The following GPHN variants were observed in gnomAD, a reference collection of about 807,000 sequenced individuals.
The protein encoded by GPHN is gephyrin.
Under a neutral mutation model 95.5 loss-of-function variants are expected in GPHN, and 17 were observed. The ratio of observed to expected loss-of-function variants is 0.18; its 90% CI spans 0.12 to 0.27. The LOEUF is 0.27. GPHN is among the 10% of genes least tolerant of loss of function. The pLI is 1.00. For synonymous variants in GPHN, 320 were observed against 322.5 expected (o/e 0.99, Z 0.08); for missense variants, 660 against 978.1 (o/e 0.67, Z 4.34).
chr14:66,726,417 G>A (rs2071242543), intron 2 of GPHN, among the ~76,000 whole-genome samples: 1 of 152,098 alleles, frequency 6.6e-6, no homozygotes, highest in Non-Finnish European at 1.5e-5. Flanking sequence ...TAAAAGTCTA[G>A]TATATTTTAC....
intron 9 of GPHN, among the ~76,000 whole-genome samples, chr14:66,983,405 T>G (rs1443602534): frequency 6.6e-6 from 1 of 152,262 alleles, no homozygotes; most frequent in African/African-American, 2.4e-5. Context: ...TTTCTCAAAT[T>G]CTAGTTTATA....
intron 4 of GPHN, among the ~76,000 whole-genome samples, chr14:66,875,329 C>T (rs2063606402): frequency 1.3e-5 from 2 of 152,176 alleles, no homozygotes. Context: ...ACCATCGACA[C>T]TGTGAAGAAA....
At chr14:67,281,192 C>T in the GPHN span, among the ~76,000 whole-genome samples, 3 of 151,620 alleles carry the variant, frequency 2.0e-5, no homozygotes, top group South Asian at 2.1e-4. Flanking sequence ...CCACTGTGCC[C>T]GTCTCAAGTC....
rs541539646 is a variant in GPHN, at chr14:66,980,817, A to C, written c.963+15492A>C. Among the ~76,000 whole-genome samples the C allele has an allele frequency of 8.3e-4, 127 of 152,312 alleles. 1 individual carries two copies. The highest frequency in any genetic ancestry group is 1.5e-3 in the Non-Finnish European group (101 of 68,026). On this transcript the variant is annotated intron_variant, in intron 9 of 22. Transcript: ENST00000478722. ...TGTAATCTCAGCACTTTGGGAGGCCAAGGCAGGAGTATCACCTGAGGTCGG... is the reference window on the plus strand; with the variant it reads ...TGTAATCTCAGCACTTTGGGAGGCCCAGGCAGGAGTATCACCTGAGGTCGG...
the GPHN span, among the ~76,000 whole-genome samples, chr14:67,519,524 TC>T: frequency 6.6e-6 from 1 of 152,074 alleles, no homozygotes; most frequent in African/African-American, 2.4e-5. Flanking sequence ...CAGGGAAGGG[TC>T]CATCCGGATA....
the GPHN span, among the ~76,000 whole-genome samples, chr14:67,284,575 A>C: frequency 2.4e-4 from 35 of 145,880 alleles, no homozygotes; most frequent in African/African-American, 8.9e-4. Context: ...AAAAAAAAAA[A>C]AAAAAAAAAA....
At chr14:66,784,916 T>G (rs2059718504) in intron 3 of GPHN, among the ~76,000 whole-genome samples, 1 of 152,192 alleles carries the variant, frequency 6.6e-6, no homozygotes, top group East Asian at 1.9e-4. Flanking sequence ...ATATGCCAAT[T>G]AAAAGACAGA....
At chr14:67,352,405 CTGCAGAGTAAGACCT>C in the GPHN span, among the ~76,000 whole-genome samples, 1 of 148,504 alleles carries the variant, frequency 6.7e-6, no homozygotes, top group East Asian at 2.0e-4. Flanking sequence ...CAGTTTGAGG[CTGCAGAGTAAGACCT>C]TGCCTCAAAA....
chr14:67,562,653 A>G, the GPHN span: 1 of 1,612,890 alleles, frequency 6.2e-7, no homozygotes, highest in Non-Finnish European at 8.5e-7. Context: ...GGCCATGGGC[A>G]CTTTGGCCGT....
chr14:66,838,397 A>G (rs560859072), intron 4 of GPHN, among the ~76,000 whole-genome samples: 1 of 152,268 alleles, frequency 6.6e-6, no homozygotes, highest in South Asian at 2.1e-4. Flanking sequence ...CAAACAAGAT[A>G]GAACTTAAAG....
intron 13 of GPHN, among the ~76,000 whole-genome samples, chr14:67,105,981 G>A (rs974663831): frequency 6.6e-6 from 1 of 151,812 alleles, no homozygotes; most frequent in Non-Finnish European, 1.5e-5. Context: ...TTATTAATCT[G>A]GTCTACCAGT....
chr14:67,663,326 T>C, the GPHN span: 2 of 623,854 alleles, frequency 3.2e-6, no homozygotes, highest in East Asian at 6.0e-5. Flanking sequence ...CATTTTTAAA[T>C]AACATTGTTT....
At chr14:67,039,277 T>C (rs1030367734) in intron 10 of GPHN, among the ~76,000 whole-genome samples, 3 of 152,202 alleles carry the variant, frequency 2.0e-5, no homozygotes, top group Non-Finnish European at 4.4e-5. Context: ...GTTTCATATG[T>C]TCTTCTCCCT....
intron 2 of GPHN, among the ~76,000 whole-genome samples, chr14:66,740,518 G>T (rs2072710279): frequency 6.6e-6 from 1 of 151,076 alleles, no homozygotes. Context: ...GTATTTCCCA[G>T]TTGTTTTAAA....
the GPHN span, chr14:67,620,928 TA>T: frequency 2.5e-6 from 4 of 1,614,150 alleles, no homozygotes; most frequent in Non-Finnish European, 3.4e-6. Flanking sequence ...CCCGCTGCCA[TA>T]AGAGAAGCTG....
In GPHN at chr14:66,572,482, C is replaced by CTGTGTG. The variant is rs60787589; in HGVS notation, c.64+63911_64+63916dup. 7.9e-4 allele frequency among the ~76,000 whole-genome samples: 117 copies of CTGTGTG among 148,560 alleles called. 3 individuals are homozygous for CTGTGTG. Among genetic ancestry groups the CTGTGTG allele is most frequent in the African/African-American group, 2.8e-3 (113 of 40,864 alleles). Reference sequence around the variant, plus strand: ...CAATTCCTTGGTTAAATTTATTCCTCTGTGTGTGTGTGTGTGTGTGTGTGT... The same window carrying CTGTGTG: ...CAATTCCTTGGTTAAATTTATTCCTCTGTGTGTGTGTGTGTGTGTGTGTGTGTGTGT... On this transcript the variant is annotated intron_variant, in intron 1 of 22. Coordinates refer to ENST00000478722, the MANE Select transcript of GPHN (RefSeq NM_020806.5).
the GPHN span, among the ~76,000 whole-genome samples, chr14:67,237,851 G>A: frequency 1.5e-3 from 224 of 152,176 alleles, 1 homozygote; most frequent in South Asian, 0.011. Context: ...GCTTTCTGAC[G>A]AGGATGAACA....
the GPHN span, among the ~76,000 whole-genome samples, chr14:67,596,707 G>T: frequency 6.6e-6 from 1 of 152,076 alleles, no homozygotes; most frequent in Non-Finnish European, 1.5e-5. Context: ...CCCACCCTTG[G>T]TATTTGATCA....
chr14:66,571,090 A>G (rs1205786724), intron 1 of GPHN, among the ~76,000 whole-genome samples: 1 of 152,194 alleles, frequency 6.6e-6, no homozygotes, highest in East Asian at 1.9e-4. Context: ...GGTAATTTAT[A>G]AAGGAAAGAG....
Sources: gnomAD v4.1 joint callset for allele counts (sites outside exome capture counted in the v4.1 genomes callset) on GRCh38, gnomAD v4.1.1 for gene constraint, MANE v1.5 for transcripts, NCBI Gene and HGNC (gene_info 2026-07-23, HGNC 2026-07-21) for gene names.